ADCY9: variants seen among roughly 807,000 people sequenced by gnomAD.
ADCY9 encodes the protein adenylate cyclase 9.
Under a neutral mutation model 101.5 loss-of-function variants are expected in ADCY9, and 50 were observed. The observed-to-expected ratio is 0.49, with a 90% CI of 0.39 to 0.62. The LOEUF is 0.62. ADCY9 is among the 20% of genes least tolerant of loss of function. The pLI is 0.00. For missense variants in ADCY9, 1,662 were observed against 1,800.4 expected (o/e 0.92, Z 1.39); for synonymous variants, 905 against 769.3 (o/e 1.18, Z -2.92).
intron 2 of ADCY9, among the ~76,000 whole-genome samples, chr16:4,099,130 C>A (rs441906): frequency 0.97 from 146,805 of 152,096 alleles, 71,059 homozygotes; most frequent in East Asian, 1. Context: ...ACAGGGTTTC[C>A]CCATGTTGGC....
At chr16:4,064,954 G>C (rs1053757469) in intron 2 of ADCY9, among the ~76,000 whole-genome samples, 5 of 152,204 alleles carry the variant, frequency 3.3e-5, no homozygotes, top group African/African-American at 1.2e-4. Flanking sequence ...TGGTGAATAG[G>C]TGAGGGAGGA....
At chr16:4,081,840 G>A (rs1192656776) in intron 2 of ADCY9, among the ~76,000 whole-genome samples, 1 of 149,424 alleles carries the variant, frequency 6.7e-6, no homozygotes, top group Admixed American at 6.7e-5. Context: ...AGGGCGCTGT[G>A]TCTGCAGTGG....
At chr16:4,022,490 C>CAAAAAA (rs58498676) in intron 2 of ADCY9, among the ~76,000 whole-genome samples, 6 of 65,026 alleles carry the variant, frequency 9.2e-5, no homozygotes, top group African/African-American at 1.4e-4. Flanking sequence ...GACTCCGTCT[C>CAAAAAA]AAAAAAAAAA....
chr16:3,973,724 C>T (rs1235454862), intron 10 of ADCY9, among the ~76,000 whole-genome samples: 1 of 152,062 alleles, frequency 6.6e-6, no homozygotes, highest in Non-Finnish European at 1.5e-5. Context: ...AACTCCAGGC[C>T]TCAAGTAATC....
At chr16:4,026,485 C>G (rs1013924846) in intron 2 of ADCY9, among the ~76,000 whole-genome samples, 6 of 149,808 alleles carry the variant, frequency 4.0e-5, no homozygotes, top group Admixed American at 4.0e-4. Context: ...AAACCCCAAT[C>G]ATGGATATTT....
At chr16:3,998,726 A>AG (rs2056307070) in intron 3 of ADCY9, among the ~76,000 whole-genome samples, 1 of 142,578 alleles carries the variant, frequency 7.0e-6, no homozygotes, top group Non-Finnish European at 1.5e-5. Context: ...AAAAAAAAAA[A>AG]AAAAAAAAAG....
In ADCY9 at chr16:4,060,241, A is replaced by C. The variant is rs563335882; in HGVS notation, c.1694-52683T>G. 3.9e-5 allele frequency among the ~76,000 whole-genome samples: 6 copies of C among 152,348 alleles called. No homozygotes were observed. In the South Asian group the frequency reaches 1.2e-3, roughly 32 times the overall value. ...GAGACCAGCCAAAAACCTAGCCGGA[A>C]GATACAGAGAATAAGGGAGCTATCA... On this transcript the variant is annotated intron_variant, in intron 2 of 10. Coordinates refer to ENST00000294016, the MANE Select transcript of ADCY9 (RefSeq NM_001116.4).
chr16:4,108,865 C>G (rs997068846), intron 2 of ADCY9, among the ~76,000 whole-genome samples: 8 of 151,888 alleles, frequency 5.3e-5, no homozygotes, highest in African/African-American at 1.7e-4. Flanking sequence ...GCCACCACAC[C>G]TGGTTAATTT....
At chr16:3,961,852 CCT>C (rs763809426), downstream of ADCY9, among the ~76,000 whole-genome samples, 1 of 151,908 alleles carries the variant, frequency 6.6e-6, no homozygotes, top group South Asian at 2.1e-4. Context: ...ATGGTGAAAC[CCT>C]GTCTCTACTA....
In ADCY9 at chr16:4,080,957, G is replaced by A. The variant is rs545277975; in HGVS notation, c.1693+32793C>T. On this transcript the variant is annotated intron_variant, in intron 2 of 10. Coordinates refer to ENST00000294016, the MANE Select transcript of ADCY9 (RefSeq NM_001116.4). ...TGGGATTGCTTTTTTCTGTTTTCTG[G>A]TTAAGGAAAACATTTCAAAGTTCAT... 2.0e-5 allele frequency among the ~76,000 whole-genome samples: 3 copies of A among 152,142 alleles called. No homozygotes were observed. The East Asian group carries it at 5.8e-4, about 29-fold the overall frequency.
intron 2 of ADCY9, among the ~76,000 whole-genome samples, chr16:4,044,103 T>G (rs1398669399): frequency 6.6e-6 from 1 of 152,160 alleles, no homozygotes. Flanking sequence ...TCCCAGCACT[T>G]TGGGAGACCC....
At chr16:3,975,400 ATTCTT>A (rs1247159755) in intron 9 of ADCY9, among the ~76,000 whole-genome samples, 4 of 152,062 alleles carry the variant, frequency 2.6e-5, no homozygotes, top group African/African-American at 9.7e-5. Context: ...TTGTATTGTG[ATTCTT>A]TTCTTAAGTA....
At chr16:4,089,362 T>C (rs2056959405) in intron 2 of ADCY9, among the ~76,000 whole-genome samples, 1 of 152,076 alleles carries the variant, frequency 6.6e-6, no homozygotes, top group East Asian at 1.9e-4. Flanking sequence ...TCAGTATTCG[T>C]CCACGTTGTC....
intron 2 of ADCY9, among the ~76,000 whole-genome samples, chr16:4,087,850 C>CT (rs201007285): frequency 0.012 from 1,828 of 150,880 alleles, 87 homozygotes; most frequent in African/African-American, 0.042. Flanking sequence ...CCTTCTTTCT[C>CT]TTTTCTTTGT....
At chr16:3,996,209 C>A (rs2056285454) in intron 3 of ADCY9, among the ~76,000 whole-genome samples, 1 of 151,990 alleles carries the variant, frequency 6.6e-6, no homozygotes, top group Non-Finnish European at 1.5e-5. Flanking sequence ...AAAAATAAAA[C>A]CAATTAGCTG....
chr16:4,056,676 A>G (rs2056739909), intron 2 of ADCY9, among the ~76,000 whole-genome samples: 1 of 152,222 alleles, frequency 6.6e-6, no homozygotes, highest in African/African-American at 2.4e-5. Context: ...CGTGATCCGA[A>G]GGGGCAGAAA....
chr16:4,004,248 C>CT lies in ADCY9; in HGVS notation c.1884+3119dup, dbSNP rs2056351873. The stretch of plus-strand genomic sequence containing the variant: ...TGGGCAACAGAGCGAGATCCCATCT[C>CT]TTTAAAAAAAAAAAAAAAAAAAAAA... On this transcript the variant is annotated intron_variant, in intron 3 of 10. Coordinates refer to ENST00000294016, the MANE Select transcript of ADCY9 (RefSeq NM_001116.4). Among the ~76,000 whole-genome samples, 3 of 50,628 alleles carry CT rather than the reference C, an allele frequency of 5.9e-5. No individual in the cohort carries two copies. In the South Asian group the frequency reaches 3.0e-3, roughly 50 times the overall value. 33.2% of individuals were successfully genotyped at this position (50,628 alleles called of 152,430 possible). A position where few individuals can be genotyped will look rare whatever the true frequency, so the allele number is the denominator to read the frequency against.
rs1597129891 is a variant in ADCY9 at position 3,964,528 on chromosome 16, A to C, written c.*1247T>G. The C allele has an allele frequency of 1.3e-5, 2 of 152,480 alleles. No individual in the cohort carries two copies. The highest frequency in any genetic ancestry group is 2.9e-5 in the Non-Finnish European group (2 of 68,162). 9.4% of individuals were successfully genotyped at this position (152,480 alleles called of 1,614,324 possible). On this transcript the variant is annotated 3_prime_UTR_variant, in exon 11 of 11. Coordinates refer to ENST00000294016, the MANE Select transcript of ADCY9 (RefSeq NM_001116.4). ...TCCTGCCACTGATAGGCCCTGTGCC[A>C]TCTGAGAGCGGGAGGCAGCCAAGAA...
At chr16:4,025,278 C>T (rs79235878) in intron 2 of ADCY9, among the ~76,000 whole-genome samples, 2 of 151,024 alleles carry the variant, frequency 1.3e-5, no homozygotes, top group East Asian at 1.9e-4. Flanking sequence ...GAGGCTGAGG[C>T]AGGAGAATTG....
Sources: allele counts gnomAD v4.1 joint callset (sites outside exome capture counted in the v4.1 genomes callset), GRCh38; gene constraint gnomAD v4.1.1; transcripts MANE v1.5; gene names NCBI Gene and HGNC (gene_info 2026-07-23, HGNC 2026-07-21).